The following MBNL3 variants were observed in gnomAD, a reference collection of about 807,000 sequenced individuals.
MBNL3 encodes the protein muscleblind like splicing regulator 3.
MBNL3 carries 6 observed loss-of-function variants against 24.5 expected under a neutral mutation model. That is an observed-to-expected ratio of 0.25 (90% CI 0.13 to 0.48). The LOEUF is 0.48. Among genes scored for constraint, MBNL3 ranks in the 20% least tolerant of loss-of-function variants. The pLI, the probability that MBNL3 is intolerant of heterozygous loss-of-function variation, is 0.99. For missense variants in MBNL3, 230 were observed against 293.5 expected, an observed-to-expected ratio of 0.78 and a Z score of 1.58; for synonymous variants, 100 against 101.7, an observed-to-expected ratio of 0.98 and a Z score of 0.10.
chrX:132,381,968 A>G (rs1444909305), intron 8 of MBNL3, among the ~76,000 whole-genome samples: 1 of 112,304 alleles, frequency 8.9e-6, no homozygotes, highest in Non-Finnish European at 1.9e-5. Context: ...TCTGGTAACC[A>G]ATTAAAAATG....
chrX:132,466,937 C>T (rs771977311), intron 1 of MBNL3, among the ~76,000 whole-genome samples: 2 of 111,427 alleles, frequency 1.8e-5, no homozygotes, highest in South Asian at 7.6e-4. Context: ...GTTGCTGAAT[C>T]ATGGGGGGTT....
intron 2 of MBNL3, 105 bp from the exon 3 acceptor site, chrX:132,406,497 T>C (rs979149137): frequency 1.3e-6 from 1 of 752,537 alleles, no homozygotes; most frequent in Non-Finnish European, 1.9e-6. Flanking sequence ...ACTCTTCATC[T>C]TGAATCCATA....
At chrX:132,398,493 G>A (rs1788649997) in intron 3 of MBNL3, among the ~76,000 whole-genome samples, 1 of 111,630 alleles carries the variant, frequency 9.0e-6, no homozygotes, top group Non-Finnish European at 1.9e-5. Flanking sequence ...CAAGTTTGTG[G>A]CATGGATTGT....
intron 2 of MBNL3, chrX:132,411,082 AACC>A (rs1942660462): frequency 1.4e-6 from 1 of 713,736 alleles, no homozygotes; most frequent in African/African-American, 2.4e-5. Context: ...GTCTTTAATA[AACC>A]ATTTCTTAAA....
At chrX:132,449,060 G>C (rs1019685133) in intron 1 of MBNL3, among the ~76,000 whole-genome samples, 1 of 111,599 alleles carries the variant, frequency 9.0e-6, no homozygotes, top group Non-Finnish European at 1.9e-5. Flanking sequence ...TTCCAATTAT[G>C]TGGTCAATTT....
At chrX:132,481,196 C>T (rs932089337) in intron 1 of MBNL3, among the ~76,000 whole-genome samples, 5 of 111,772 alleles carry the variant, frequency 4.5e-5, no homozygotes, top group African/African-American at 1.6e-4. Flanking sequence ...GAACTGTTTT[C>T]TTAGATGGCT....
In MBNL3 at chrX:132,437,743, A is replaced by T. The variant is rs907072875; in HGVS notation, c.177+1692T>A. Among the ~76,000 whole-genome samples the T allele has an allele frequency of 2.7e-5, 3 of 111,875 alleles. No individual in the cohort carries two copies. In the Admixed American group the frequency reaches 2.9e-4, roughly 11 times the overall value. On this transcript the variant is annotated intron_variant, in intron 2 of 8. Coordinates refer to ENST00000370853, the MANE Select transcript of MBNL3 (RefSeq NM_001386889.1). ...TCAGTATGCTTTTCCACTTCAAGGCACTGCCCAATCCTGTAGCTGCAGATT... is the reference window on the plus strand; with the variant it reads ...TCAGTATGCTTTTCCACTTCAAGGCTCTGCCCAATCCTGTAGCTGCAGATT...
Position 132,396,521 on chromosome X carries a change from CATATATATATT to C in MBNL3, c.343-4198_343-4188del, listed in dbSNP as rs1569424093. On this transcript the variant is annotated intron_variant, in intron 3 of 8. Coordinates refer to ENST00000370853, the MANE Select transcript of MBNL3 (RefSeq NM_001386889.1). ...ATTCCTATATATATTCATATATATT[CATATATATATT>C]CATATATATATTCCTATATATTCCT... Among the ~76,000 whole-genome samples, 10 of 48,105 alleles carry C rather than the reference CATATATATATT, an allele frequency of 2.1e-4. 1 individual carries two copies. The highest frequency in any genetic ancestry group is 9.4e-4 in the Admixed American group (3 of 3,175). 41.8% of individuals were successfully genotyped at this position (48,105 alleles called of 115,157 possible).
intron 1 of MBNL3, among the ~76,000 whole-genome samples, chrX:132,460,449 G>A (rs1688434489): frequency 9.0e-6 from 1 of 111,413 alleles, no homozygotes; most frequent in Non-Finnish European, 1.9e-5. Context: ...AAAACCCTGG[G>A]CAAGTTACCT....
At chrX:132,382,558 AG>A (rs1253896675) in intron 7 of MBNL3, among the ~76,000 whole-genome samples, 5 of 112,307 alleles carry the variant, frequency 4.5e-5, no homozygotes, top group African/African-American at 1.6e-4. Flanking sequence ...ATCCCATTGT[AG>A]TTTACTCAAA....
intron 2 of MBNL3, among the ~76,000 whole-genome samples, chrX:132,437,677 A>G (rs73556176): frequency 0.013 from 1,463 of 111,508 alleles, 33 homozygotes; most frequent in African/African-American, 0.046. Context: ...GACCCTCTAT[A>G]TGGACCAGAT....
chrX:132,440,596 A>G (rs1416074555), intron 1 of MBNL3, among the ~76,000 whole-genome samples: 2 of 110,312 alleles, frequency 1.8e-5, no homozygotes, highest in Non-Finnish European at 3.8e-5. Flanking sequence ...AATGTGCTTC[A>G]GATAAAGAAA....
intron 3 of MBNL3, among the ~76,000 whole-genome samples, chrX:132,395,499 C>T (rs1385371597): frequency 9.0e-6 from 1 of 111,605 alleles, no homozygotes; most frequent in African/African-American, 3.3e-5. Flanking sequence ...ACGGCTGTCC[C>T]TCCCATAACC....
chrX:132,388,758 C>A (rs1319436996), intron 5 of MBNL3, among the ~76,000 whole-genome samples: 1 of 109,754 alleles, frequency 9.1e-6, no homozygotes, highest in African/African-American at 3.3e-5. Context: ...TTTTTAAATA[C>A]AAGCTGCTTT....
chrX:132,419,616 C>T (rs1943608280), intron 2 of MBNL3, among the ~76,000 whole-genome samples: 1 of 111,465 alleles, frequency 9.0e-6, no homozygotes, highest in South Asian at 3.8e-4. Flanking sequence ...ACTACCCCAC[C>T]GAAAGCTCAG....
chrX:132,488,413 T>G (rs1220336367), intron 1 of MBNL3, among the ~76,000 whole-genome samples: 1 of 111,453 alleles, frequency 9.0e-6, no homozygotes, highest in Admixed American at 9.5e-5. Context: ...TAAAATCTAC[T>G]CTCATGCCCT....
At chrX:132,471,998 T>C (rs1947207027) in intron 1 of MBNL3, among the ~76,000 whole-genome samples, 2 of 112,638 alleles carry the variant, frequency 1.8e-5, no homozygotes, top group Admixed American at 1.9e-4. Flanking sequence ...AGCATTGATA[T>C]GCTATAGAAG....
intron 3 of MBNL3, among the ~76,000 whole-genome samples, chrX:132,396,389 T>A (rs1372696763): frequency 2.3e-5 from 2 of 87,012 alleles, no homozygotes; most frequent in Non-Finnish European, 4.3e-5. Context: ...TTCATATATA[T>A]ATTCCTATAT....
chrX:132,428,084 A>T (rs1250660542), intron 2 of MBNL3, among the ~76,000 whole-genome samples: 1 of 111,560 alleles, frequency 9.0e-6, no homozygotes, highest in East Asian at 2.8e-4. Flanking sequence ...CTTATTTATG[A>T]TATACAAAAA....
Sources: gnomAD v4.1 joint callset for allele counts (sites outside exome capture counted in the v4.1 genomes callset) on GRCh38, gnomAD v4.1.1 for gene constraint, MANE v1.5 for transcripts, NCBI Gene and HGNC (gene_info 2026-07-23, HGNC 2026-07-21) for gene names.